IL1RAPL2: variants seen among roughly 807,000 people sequenced by gnomAD.
The protein encoded by IL1RAPL2 is interleukin 1 receptor accessory protein like 2.
A neutral mutation model predicts 44.1 loss-of-function variants in IL1RAPL2; 3 were observed. The observed-to-expected ratio is 0.07, with a 90% CI of 0.03 to 0.18. IL1RAPL2 has a LOEUF of 0.18. Ranked by LOEUF, IL1RAPL2 falls within the 10% of genes least tolerant of loss-of-function variation. The probability of loss-of-function intolerance (pLI) is 1.00; values close to 1 mark genes in which losing one functional copy is unlikely to be tolerated. For missense variants in IL1RAPL2, 391 were observed against 496.4 expected, an observed-to-expected ratio of 0.79 and a Z score of 2.02; for synonymous variants, 181 against 178.8, an observed-to-expected ratio of 1.01 and a Z score of -0.10.
chrX:104,871,077 C>T (rs953856166), intron 2 of IL1RAPL2, among the ~76,000 whole-genome samples: 5 of 110,959 alleles, frequency 4.5e-5, no homozygotes, highest in African/African-American at 1.6e-4. Flanking sequence ...AATTAAATAA[C>T]GACTTATATA....
chrX:105,315,520 G>A (rs1191490430), intron 5 of IL1RAPL2, among the ~76,000 whole-genome samples: 1 of 88,077 alleles, frequency 1.1e-5, no homozygotes, highest in African/African-American at 3.8e-5. Context: ...CATCACAAAA[G>A]AAAACCCCAT....
chrX:104,625,161 C>T (rs1200953313), intron 1 of IL1RAPL2, among the ~76,000 whole-genome samples: 1 of 111,574 alleles, frequency 9.0e-6, no homozygotes, highest in Non-Finnish European at 1.9e-5. Context: ...AACATCATAC[C>T]CCATGGATAA....
At chrX:104,659,821 T>G (rs1029633047) in intron 2 of IL1RAPL2, among the ~76,000 whole-genome samples, 10 of 112,028 alleles carry the variant, frequency 8.9e-5, no homozygotes, top group Non-Finnish European at 1.7e-4. Context: ...TACTTTCTCA[T>G]TAAGTATCAA....
chrX:105,182,036 C>G (rs2033536629), intron 2 of IL1RAPL2, among the ~76,000 whole-genome samples: 1 of 101,547 alleles, frequency 9.8e-6, no homozygotes, highest in Admixed American at 1.1e-4. Context: ...CACTGCACTC[C>G]AGCCTGGGCG....
intron 6 of IL1RAPL2, among the ~76,000 whole-genome samples, chrX:105,690,475 C>A (rs776903155): frequency 1.8e-5 from 2 of 110,625 alleles, no homozygotes; most frequent in African/African-American, 6.6e-5. Context: ...AAGAACATGC[C>A]GAAGTATAAT....
At chrX:105,427,950 A>G in intron 5 of IL1RAPL2, among the ~76,000 whole-genome samples, 1 of 111,871 alleles carries the variant, frequency 8.9e-6, no homozygotes, top group East Asian at 2.8e-4. Context: ...TCTAATTTAA[A>G]ATATTGAAAA....
At chrX:105,450,050 T>A (rs1186017489) in intron 5 of IL1RAPL2, among the ~76,000 whole-genome samples, 1 of 112,006 alleles carries the variant, frequency 8.9e-6, no homozygotes, top group Non-Finnish European at 1.9e-5. Flanking sequence ...TCAAAAACCT[T>A]AGCAGTTCAC....
At chrX:104,962,859 GGCTGAT>G (rs1438131244) in intron 2 of IL1RAPL2, among the ~76,000 whole-genome samples, 1 of 111,957 alleles carries the variant, frequency 8.9e-6, no homozygotes, top group African/African-American at 3.2e-5. Flanking sequence ...TGGACAATGA[GGCTGAT>G]GCTATATGCT....
chrX:104,684,950 A>AG (rs1930957805), intron 2 of IL1RAPL2, among the ~76,000 whole-genome samples: 1 of 112,016 alleles, frequency 8.9e-6, no homozygotes, highest in Admixed American at 9.5e-5. Context: ...CTTCAACTCA[A>AG]GGGTCAGCAT....
intron 4 of IL1RAPL2, among the ~76,000 whole-genome samples, chrX:105,247,803 CCTCT>C (rs778684019): frequency 1.8e-5 from 2 of 109,816 alleles, no homozygotes; most frequent in East Asian, 5.7e-4. Context: ...ACATTTTCTT[CCTCT>C]CTCTCTCCCC....
intron 5 of IL1RAPL2, among the ~76,000 whole-genome samples, chrX:105,447,243 TATAA>T (rs2035969314): frequency 7.7e-5 from 2 of 25,825 alleles, no homozygotes; most frequent in Non-Finnish European, 9.4e-5. Context: ...TATATATAAA[TATAA>T]ATATATATAA....
At chrX:105,233,733 A>G (rs1216564985) in intron 3 of IL1RAPL2, 85 bp from the exon 4 acceptor site, 20 of 792,840 alleles carry the variant, frequency 2.5e-5, no homozygotes, top group Admixed American at 3.2e-5. Flanking sequence ...CTAAATGGAA[A>G]AGCCAATACT....
At chrX:104,985,180 C>T (rs2030537396) in intron 2 of IL1RAPL2, among the ~76,000 whole-genome samples, 3 of 110,016 alleles carry the variant, frequency 2.7e-5, no homozygotes, top group Non-Finnish European at 5.7e-5. Context: ...CTCTGCCTCC[C>T]GGGTTCAAGC....
At chrX:105,528,818 A>G (rs2147792047) in intron 6 of IL1RAPL2, among the ~76,000 whole-genome samples, 1 of 111,498 alleles carries the variant, frequency 9.0e-6, no homozygotes, top group African/African-American at 3.2e-5. Flanking sequence ...CATATACTAT[A>G]TTGAAATTTT....
At chrX:105,347,081 T>C (rs1171306403) in intron 5 of IL1RAPL2, among the ~76,000 whole-genome samples, 1 of 112,083 alleles carries the variant, frequency 8.9e-6, no homozygotes, top group African/African-American at 3.2e-5. Context: ...ATGTACAATC[T>C]TTTTGAAAAT....
At chrX:104,585,313 ATATATATTATATATAATATATAT>A (rs1928512835) in intron 1 of IL1RAPL2, among the ~76,000 whole-genome samples, 2 of 18,591 alleles carry the variant, frequency 1.1e-4, no homozygotes, top group Non-Finnish European at 1.5e-4. Flanking sequence ...ATATTATATA[ATATATATTATATATAATATATAT>A]TATATATTAT....
Position 105,218,883 on chromosome X carries a change from C to T in IL1RAPL2, c.357-14935C>T, listed in dbSNP as rs955905055. 290 of 936,391 alleles carry T rather than the reference C, an allele frequency of 3.1e-4. 3 individuals are homozygous for T. Among genetic ancestry groups the T allele is most frequent in the Non-Finnish European group, 4.0e-4 (264 of 665,597 alleles). 77.2% of individuals were successfully genotyped at this position (936,391 alleles called of 1,213,427 possible). A position where few individuals can be genotyped will look rare whatever the true frequency, so the allele number is the denominator to read the frequency against. On this transcript the variant is annotated intron_variant, in intron 3 of 10. Transcript: ENST00000372582. Reference sequence around the variant, plus strand: ...GCCTTCTTCCCCTACCACCCCGGCCCCCGCCACCACAAGCCTGCCCTCTGA... The same window carrying T: ...GCCTTCTTCCCCTACCACCCCGGCCTCCGCCACCACAAGCCTGCCCTCTGA...
intron 2 of IL1RAPL2, among the ~76,000 whole-genome samples, chrX:105,107,535 A>G (rs999844657): frequency 4.5e-5 from 5 of 112,132 alleles, no homozygotes; most frequent in African/African-American, 1.6e-4. Flanking sequence ...AAAAGATATC[A>G]AAGCAATTTT....
chrX:105,741,812 A>G (rs987175220), intron 8 of IL1RAPL2, among the ~76,000 whole-genome samples: 2 of 111,439 alleles, frequency 1.8e-5, no homozygotes, highest in African/African-American at 6.5e-5. Flanking sequence ...GACTCCCTAA[A>G]CCTTAGTTTT....
Sources: allele counts gnomAD v4.1 joint callset (sites outside exome capture counted in the v4.1 genomes callset), GRCh38; gene constraint gnomAD v4.1.1; transcripts MANE v1.5; gene names NCBI Gene and HGNC (gene_info 2026-07-23, HGNC 2026-07-21).